Variants in OTOG observed in about 807,000 individuals in gnomAD.
OTOG encodes otogelin.
Under a neutral mutation model 313.8 loss-of-function variants are expected in OTOG, and 296 were observed. The observed-to-expected ratio is 0.94, with a 90% CI of 0.86 to 1.04. OTOG has a LOEUF of 1.04. Ranked by LOEUF, OTOG falls within the 50% of genes least tolerant of loss-of-function variation. OTOG has a pLI of 0.00. For synonymous variants in OTOG, 1,533 were observed against 1,554.9 expected (o/e 0.99, Z 0.33); for missense variants, 3,948 against 3,840.1 (o/e 1.03, Z -0.74).
Position 17,572,171 on chromosome 11 carries a change from C to G in OTOG, c.2047C>G (p.Pro683Ala). Reference protein sequence around the residue: ...SACSPLVSGSPLDPCDVHLQA... With the variant: ...SACSPLVSGSALDPCDVHLQA... The stretch of plus-strand genomic sequence containing the variant: ...TTGCTCCCCGCTGGTCTCTGGCTCC[C>G]CTCTGGACCCCTGCGATGTGCACCT... The change falls in exon 18 of 56, where the codon CCT becomes GCT. Residue 683 changes from proline (P) to alanine (A), a missense_variant. Pro to Ala is a conservative substitution (Grantham distance 27). Coordinates refer to ENST00000399397, the MANE Select transcript of OTOG (RefSeq NM_001292063.2). 6.4e-7 allele frequency: 1 copy of G among 1,550,464 alleles called. No homozygotes were observed. The highest frequency in any genetic ancestry group is 8.7e-7 in the Non-Finnish European group (1 of 1,146,924).
At position 17,593,185 on chromosome 11, in the gene OTOG, C is replaced by T; in HGVS notation, c.3007-8C>T. The T allele has an allele frequency of 6.5e-7, 1 of 1,548,068 alleles. No individual in the cohort carries two copies. The highest frequency in any genetic ancestry group is 1.2e-5 in the South Asian group (1 of 83,644). ...TTGTTTTATTGGACTCACTTATTCT[C>T]TCCTCAGAGCACATCAGATGTCAGC... is the stretch of plus-strand genomic sequence containing the variant. On this transcript the variant is annotated splice_polypyrimidine_tract_variant and splice_region_variant and intron_variant, in intron 25 of 55. Coordinates refer to ENST00000399397, the MANE Select transcript of OTOG (RefSeq NM_001292063.2).
At chr11:17,585,071 T>C (rs1852761199) in intron 23 of OTOG, among the ~76,000 whole-genome samples, 1 of 152,254 alleles carries the variant, frequency 6.6e-6, no homozygotes, top group African/African-American at 2.4e-5. Context: ...AAGTATGATT[T>C]CCTTTTCAAT....
intron 42 of OTOG, among the ~76,000 whole-genome samples, chr11:17,633,166 A>T (rs1362773421): frequency 6.6e-6 from 1 of 152,252 alleles, no homozygotes; most frequent in Non-Finnish European, 1.5e-5. Context: ...GATACCTCAA[A>T]AACTCCCAAA....
chr11:17,549,164 C>T lies in OTOG; in HGVS notation c.216+952C>T, dbSNP rs569580271. On this transcript the variant is annotated intron_variant, in intron 3 of 55. Coordinates refer to ENST00000399397, the MANE Select transcript of OTOG (RefSeq NM_001292063.2). ...TCAGGTCTACTTTCTAATCCTGGCC[C>T]GCATTTGTCTCCCTCTTTCTATAAC... Among the ~76,000 whole-genome samples, 429 of 152,254 alleles carry T rather than the reference C, an allele frequency of 2.8e-3. 4 individuals are homozygous for T. Among genetic ancestry groups the T allele is most frequent in the African/African-American group, 9.9e-3 (410 of 41,534 alleles).
At position 17,603,511 on chromosome 11, in the gene OTOG, G is replaced by A. The variant is rs1327891669; in HGVS notation, c.3877+1134G>A. On this transcript the variant is annotated intron_variant, in intron 32 of 55. Transcript: ENST00000399397. ...CCGGAGTCACCTGGCCTTAGAGAAC[G>A]TCACTGGGGGCAGGATGCCAGAGGG... is the stretch of plus-strand genomic sequence containing the variant. 4.6e-5 allele frequency among the ~76,000 whole-genome samples: 7 copies of A among 152,122 alleles called. No homozygotes were observed. In the South Asian group the frequency reaches 6.2e-4, roughly 13 times the overall value.
At chr11:17,586,813 T>C (rs893751204) in intron 24 of OTOG, among the ~76,000 whole-genome samples, 1 of 152,264 alleles carries the variant, frequency 6.6e-6, no homozygotes, top group African/African-American at 2.4e-5. Flanking sequence ...TATGAATGTG[T>C]ATACATGCAT....
intron 39 of OTOG, among the ~76,000 whole-genome samples, chr11:17,621,125 T>G (rs576161979): frequency 2.0e-5 from 3 of 152,368 alleles, no homozygotes; most frequent in African/African-American, 7.2e-5. Context: ...TTTTCCTGCT[T>G]CTTTGCATGC....
intron 23 of OTOG, among the ~76,000 whole-genome samples, chr11:17,580,827 T>A (rs1331983317): frequency 6.6e-6 from 1 of 152,202 alleles, no homozygotes; most frequent in African/African-American, 2.4e-5. Flanking sequence ...GTGTCATTAT[T>A]CCTGTTTTAA....
At chr11:17,573,942 G>T (rs1438654329) in intron 19 of OTOG, among the ~76,000 whole-genome samples, 1 of 152,216 alleles carries the variant, frequency 6.6e-6, no homozygotes, top group Non-Finnish European at 1.5e-5. Flanking sequence ...GATTGGACAG[G>T]CCCACTGGTT....
intron 44 of OTOG, 118 bp from the exon 45 acceptor site, chr11:17,634,726 C>T (rs1854218091): frequency 2.5e-6 from 2 of 799,924 alleles, no homozygotes; most frequent in Non-Finnish European, 4.0e-6. Context: ...GTCCTGGGGG[C>T]TGGGGGGAGG....
chr11:17,604,495 T>A (rs67282144), intron 32 of OTOG, among the ~76,000 whole-genome samples: 41,402 of 152,154 alleles, frequency 0.27, 6,501 homozygotes, highest in Middle Eastern at 0.47. Context: ...AGCTGGGCTC[T>A]GGTCTCAGCC....
chr11:17,584,928 T>C (rs1289237711), intron 23 of OTOG, among the ~76,000 whole-genome samples: 1 of 152,284 alleles, frequency 6.6e-6, no homozygotes, highest in Non-Finnish European at 1.5e-5. Context: ...AAACCAGTCT[T>C]ACATTCCTGG....
Position 17,559,090 on chromosome 11 carries a change from C to T in OTOG, c.1142C>T (p.Ala381Val), listed in dbSNP as rs759893654. ...GDVATWCRAL[A>V]EYARACAQAG... ...GTAGCCACCTGGTGCCGGGCACTGG[C>T]GGAGTATGCCCGGGCGTGTGCCCAG... Residue 381 changes from alanine (A) to valine (V), a missense_variant, in exon 11 of 56, where the codon GCG (alanine) becomes GTG (valine). By Grantham distance (64) the Ala-to-Val change is moderately conservative. Transcript: ENST00000399397. 2.1e-5 allele frequency: 32 copies of T among 1,546,888 alleles called. No individual in the cohort carries two copies. Among genetic ancestry groups the T allele is most frequent in the African/African-American group, 1.4e-5 (1 of 73,044 alleles).
chr11:17,608,482 A>ACAG, intron 34 of OTOG, 69 bp downstream of exon 34: 1 of 1,069,768 alleles, frequency 9.3e-7, no homozygotes, highest in Non-Finnish European at 1.3e-6. Flanking sequence ...ACTCACATAC[A>ACAG]CTTGTGTATG....
intron 15 of OTOG, among the ~76,000 whole-genome samples, chr11:17,567,939 G>A (rs890269123): frequency 4.0e-5 from 6 of 151,718 alleles, no homozygotes; most frequent in East Asian, 1.9e-4. Flanking sequence ...ACAGAGTCCC[G>A]CTTTGTCACC....
rs772265474 is a variant in OTOG, at chr11:17,631,389, TG to T, written c.6713-304del. Among the ~76,000 whole-genome samples, 2,435 of 116,080 alleles carry T rather than the reference TG, an allele frequency of 0.021. 45 individuals are homozygous for T. Among genetic ancestry groups the T allele is most frequent in the African/African-American group, 0.044 (1,375 of 31,284 alleles). The allele number at this position is 116,080 out of a possible 152,430, so 76.2% of individuals were successfully genotyped here. A position where few individuals can be genotyped will look rare whatever the true frequency, so the allele number is the denominator to read the frequency against. ...CTCTCTCTCTCTCTCTGTGTGTGTG[TG>T]GGGGGGGGTATACATTTTTATATGC... On this transcript the variant is annotated intron_variant, in intron 40 of 55. Transcript: ENST00000399397.
chr11:17,602,061 G>T, intron 31 of OTOG, 149 bp from the exon 32 acceptor site: 1 of 888,194 alleles, frequency 1.1e-6, no homozygotes. Flanking sequence ...GGTCATCAAG[G>T]TCCCTGAGAT....
At chr11:17,586,622 A>T in intron 24 of OTOG, 41 bp downstream of exon 24, 1 of 1,131,506 alleles carries the variant, frequency 8.8e-7, no homozygotes, top group Non-Finnish European at 1.2e-6. Flanking sequence ...TTTTGCTGGG[A>T]GGGGGCATGG....
chr11:17,561,209 G>T (rs1236793319), intron 14 of OTOG, 72 bp downstream of exon 14: 3 of 1,516,584 alleles, frequency 2.0e-6, no homozygotes, highest in Admixed American at 2.0e-5. Flanking sequence ...AGGAATCTCT[G>T]GGGGCCAGGC....
Sources: gnomAD v4.1 joint callset for allele counts (sites outside exome capture counted in the v4.1 genomes callset) on GRCh38, gnomAD v4.1.1 for gene constraint, MANE v1.5 for transcripts, NCBI Gene and HGNC (gene_info 2026-07-23, HGNC 2026-07-21) for gene names.